Variants in TNFRSF10B observed in about 807,000 individuals in gnomAD.
TNFRSF10B encodes the protein tumor necrosis factor receptor superfamily member 10B.
A neutral mutation model predicts 41.4 loss-of-function variants in TNFRSF10B; 35 were observed. That is an observed-to-expected ratio of 0.85 (90% CI 0.65 to 1.12). TNFRSF10B has a LOEUF of 1.12. Among genes scored for constraint, TNFRSF10B ranks in the 50% most tolerant of loss-of-function variants. The probability of loss-of-function intolerance (pLI) is 0.00; values close to 1 mark genes in which losing one functional copy is unlikely to be tolerated. For missense variants in TNFRSF10B, 584 were observed against 552.7 expected (o/e 1.06, Z -0.57); for synonymous variants, 230 against 215.5 (o/e 1.07, Z -0.59).
intron 2 of TNFRSF10B, among the ~76,000 whole-genome samples, chr8:23,033,012 G>C (rs1039890454): frequency 6.6e-6 from 1 of 152,198 alleles, no homozygotes; most frequent in African/African-American, 2.4e-5. Context: ...AAGGTTATTA[G>C]CTAATTTCTC....
chr8:23,030,723 T>C (rs1267544074), intron 3 of TNFRSF10B, 36 bp downstream of exon 3: 1 of 1,533,154 alleles, frequency 6.5e-7, no homozygotes, highest in Non-Finnish European at 9.0e-7. Context: ...TCACCCCGCA[T>C]TCCACCTTTA....
intron 2 of TNFRSF10B, among the ~76,000 whole-genome samples, chr8:23,035,856 C>T (rs1032982294): frequency 6.6e-6 from 1 of 152,150 alleles, no homozygotes; most frequent in Non-Finnish European, 1.5e-5. Flanking sequence ...TATCAAGTCA[C>T]CTAAAAATGT....
intron 2 of TNFRSF10B, among the ~76,000 whole-genome samples, chr8:23,039,587 C>A (rs920488218): frequency 2.6e-5 from 4 of 152,162 alleles, no homozygotes; most frequent in African/African-American, 9.7e-5. Flanking sequence ...AACAACAAAA[C>A]AACAACAACA....
intron 2 of TNFRSF10B, among the ~76,000 whole-genome samples, chr8:23,034,160 G>A (rs116195761): frequency 0.017 from 2,643 of 152,228 alleles, 77 homozygotes; most frequent in African/African-American, 0.061. Context: ...GAGGAAAGAC[G>A]GAGAAGTACA....
chr8:23,029,580 G>T, intron 4 of TNFRSF10B, 30 bp downstream of exon 4: 1 of 1,584,972 alleles, frequency 6.3e-7, no homozygotes. Flanking sequence ...GTTCCATGGA[G>T]CTACTGGGAG....
intron 4 of TNFRSF10B, among the ~76,000 whole-genome samples, chr8:23,029,296 C>G (rs1208352870): frequency 1.3e-5 from 2 of 152,190 alleles, no homozygotes; most frequent in Non-Finnish European, 2.9e-5. Context: ...TGCCTGGCTG[C>G]ATTCTACTCA....
Position 23,020,821 on chromosome 8 carries a change from G to A in TNFRSF10B, c.*1850C>T, listed in dbSNP as rs548958136. ...GGACTGGCACCTTCTGAGCCCTGAG[G>A]CTGAGCGTCCTGCACAGAAGGCCCA... On this transcript the variant is annotated 3_prime_UTR_variant, in exon 9 of 9. Transcript: ENST00000276431. The A allele has an allele frequency of 2.2e-6, 1 of 454,108 alleles. No individual in the cohort carries two copies. Among genetic ancestry groups the A allele is most frequent in the East Asian group, 6.9e-5 (1 of 14,398 alleles). 28.1% of individuals were successfully genotyped at this position (454,108 alleles called of 1,614,324 possible).
In TNFRSF10B at chr8:23,030,746, A is replaced by T; in HGVS notation, c.364+13T>A. 6.2e-7 allele frequency: 1 copy of T among 1,602,374 alleles called. No individual in the cohort carries two copies. Among genetic ancestry groups the T allele is most frequent in the South Asian group, 1.1e-5 (1 of 89,832 alleles). On this transcript the variant is annotated intron_variant, in intron 3 of 8. Coordinates refer to ENST00000276431, the MANE Select transcript of TNFRSF10B (RefSeq NM_003842.5). The stretch of plus-strand genomic sequence containing the variant: ...CATTCCACCTTTAGGCATGGGGTCC[A>T]TATGTTCTGTACCTGAATCACACCT...
chr8:23,023,763 C>T (rs1043524367), intron 8 of TNFRSF10B, among the ~76,000 whole-genome samples: 5 of 152,156 alleles, frequency 3.3e-5, no homozygotes, highest in African/African-American at 1.2e-4. Flanking sequence ...ATATTTTCCA[C>T]TCTTTTTTGC....
intron 2 of TNFRSF10B, among the ~76,000 whole-genome samples, chr8:23,041,143 C>A (rs1812189444): frequency 6.6e-6 from 1 of 151,432 alleles, no homozygotes; most frequent in African/African-American, 2.4e-5. Flanking sequence ...ACTGCAACCT[C>A]TGCCTCCCGG....
At chr8:23,041,901 T>C (rs1812213337) in intron 2 of TNFRSF10B, among the ~76,000 whole-genome samples, 1 of 152,174 alleles carries the variant, frequency 6.6e-6, no homozygotes, top group Admixed American at 6.5e-5. Context: ...ATGGGCTCAG[T>C]TGTGCCCCTC....
rs1232561538 is a variant in TNFRSF10B, at chr8:23,028,442, C to T, written c.637G>A (p.Gly213Ser). The T allele has an allele frequency of 6.2e-7, 1 of 1,614,062 alleles. No individual in the cohort carries two copies. The highest frequency in any genetic ancestry group is 1.3e-5 in the African/African-American group (1 of 74,920). Residue 213 changes from glycine (G) to serine (S), a missense_variant, in exon 5 of 9, where the codon GGC becomes AGC. Coordinates refer to ENST00000276431, the MANE Select transcript of TNFRSF10B (RefSeq NM_003842.5). ...GTPASPCSLS[G>S]IIIGVTVAAV... ...GCAACTGTGACTCCTATGATGATGC[C>T]TGAGAGAGAACAGGGAGAGGCAGGA...
At chr8:23,058,776 T>C (rs1394966379) in intron 1 of TNFRSF10B, among the ~76,000 whole-genome samples, 1 of 152,204 alleles carries the variant, frequency 6.6e-6, no homozygotes, top group African/African-American at 2.4e-5. Flanking sequence ...TGAGCCGCCG[T>C]GCCCAGCTTG....
At chr8:23,035,220 C>A (rs962553871) in intron 2 of TNFRSF10B, among the ~76,000 whole-genome samples, 1 of 152,096 alleles carries the variant, frequency 6.6e-6, no homozygotes, top group Admixed American at 6.6e-5. Flanking sequence ...CAGCTCACTG[C>A]AACCTGCACC....
At chr8:23,033,620 A>AAAAAAAAAAAAAAAAAG (rs1563310598) in intron 2 of TNFRSF10B, among the ~76,000 whole-genome samples, 1 of 107,668 alleles carries the variant, frequency 9.3e-6, no homozygotes, top group African/African-American at 3.2e-5. Context: ...AAAAAAAAAA[A>AAAAAAAAAAAAAAAAAG]AGAACCCTGG....
At chr8:23,023,078 T>C in intron 8 of TNFRSF10B, 94 bp from the exon 9 acceptor site, 1 of 1,490,536 alleles carries the variant, frequency 6.7e-7, no homozygotes, top group East Asian at 2.4e-5. Flanking sequence ...GCGGGGAACC[T>C]GGAGAGCCCC....
chr8:23,041,404 C>A (rs370109567), intron 2 of TNFRSF10B, among the ~76,000 whole-genome samples: 2 of 151,898 alleles, frequency 1.3e-5, no homozygotes, highest in Admixed American at 6.6e-5. Context: ...CAGTGGCTCA[C>A]GCCTGTAATC....
At chr8:23,062,254 T>C (rs1186931002) in intron 1 of TNFRSF10B, among the ~76,000 whole-genome samples, 2 of 152,182 alleles carry the variant, frequency 1.3e-5, no homozygotes, top group Non-Finnish European at 2.9e-5. Flanking sequence ...AGAGTCTCAC[T>C]CTGTTGCCCA....
intron 2 of TNFRSF10B, among the ~76,000 whole-genome samples, chr8:23,032,007 A>G (rs1811898928): frequency 6.6e-6 from 1 of 151,368 alleles, no homozygotes; most frequent in African/African-American, 2.4e-5. Context: ...CCTGGGTTCA[A>G]GTGATTCTCC....
Sources: allele counts gnomAD v4.1 joint callset (sites outside exome capture counted in the v4.1 genomes callset), GRCh38; gene constraint gnomAD v4.1.1; transcripts MANE v1.5; gene names NCBI Gene and HGNC (gene_info 2026-07-23, HGNC 2026-07-21).